Variants in ADAMTS3 observed in about 807,000 individuals in gnomAD.
ADAMTS3 encodes the protein ADAM metallopeptidase with thrombospondin type 1 motif 3, also known as A disintegrin and metalloproteinase with thrombospondin motifs 3.
ADAMTS3 carries 73 observed loss-of-function variants against 129.0 expected under a neutral mutation model. The observed-to-expected ratio is 0.57, with a 90% CI of 0.47 to 0.69. The LOEUF (loss-of-function observed/expected upper bound fraction) is 0.69. Among genes scored for constraint, ADAMTS3 ranks in the 30% least tolerant of loss-of-function variants. The pLI is 0.00. For missense variants in ADAMTS3, 1,457 were observed against 1,514.5 expected (o/e 0.96, Z 0.63); for synonymous variants, 477 against 510.8 (o/e 0.93, Z 0.89).
In ADAMTS3 at chr4:72,326,204, A is replaced by G. The variant is rs1017489385; in HGVS notation, c.862-3107T>C. Among the ~76,000 whole-genome samples the G allele has an allele frequency of 2.0e-5, 3 of 152,284 alleles. No homozygotes were observed. The South Asian group carries it at 6.2e-4, about 32-fold the overall frequency. ...ATTATAGGTAGAAATAATCTAATAC[A>G]AGGGAATAATATTTTTGCATAGCAC... On this transcript the variant is annotated intron_variant, in intron 5 of 21. Transcript: ENST00000286657.
chr4:72,445,439 C>T (rs1028830890), intron 3 of ADAMTS3, among the ~76,000 whole-genome samples: 1 of 151,680 alleles, frequency 6.6e-6, no homozygotes, highest in Non-Finnish European at 1.5e-5. Flanking sequence ...AGTTTCTCCA[C>T]ATGCTTCAAA....
chr4:72,443,994 T>A (rs969464877), intron 3 of ADAMTS3, among the ~76,000 whole-genome samples: 1 of 151,684 alleles, frequency 6.6e-6, no homozygotes, highest in African/African-American at 2.4e-5. Context: ...GTAATCACCA[T>A]AGTGAATAGC....
intron 3 of ADAMTS3, among the ~76,000 whole-genome samples, chr4:72,434,258 C>T (rs780530537): frequency 2.6e-5 from 4 of 151,682 alleles, no homozygotes; most frequent in Admixed American, 6.6e-5. Context: ...TTTACAAATA[C>T]GTAGCCCATT....
Position 72,305,968 on chromosome 4 carries a change from A to G in ADAMTS3, c.2260+19T>C, listed in dbSNP as rs1719078386. 1.9e-6 allele frequency: 3 copies of G among 1,599,140 alleles called. No homozygotes were observed. The highest frequency in any genetic ancestry group is 2.6e-6 in the Non-Finnish European group (3 of 1,169,282). ...TTTCAGTGCATGTTAAAGCAGAGAC[A>G]GCAGACAGAAACACTTACCAAGAAT... On this transcript the variant is annotated intron_variant, in intron 16 of 21. Transcript: ENST00000286657.
At chr4:72,558,338 T>G (rs1721817971) in intron 2 of ADAMTS3, among the ~76,000 whole-genome samples, 1 of 151,744 alleles carries the variant, frequency 6.6e-6, no homozygotes, top group Non-Finnish European at 1.5e-5. Flanking sequence ...TTTCCAGCTT[T>G]TGGAGGCCAC....
At chr4:72,435,791 G>A (rs1443312464) in intron 3 of ADAMTS3, among the ~76,000 whole-genome samples, 1 of 151,960 alleles carries the variant, frequency 6.6e-6, no homozygotes, top group East Asian at 1.9e-4. Context: ...TGAGAAAACT[G>A]GCTAGCCATA....
intron 3 of ADAMTS3, among the ~76,000 whole-genome samples, chr4:72,437,232 AC>A (rs1279087848): frequency 6.6e-6 from 1 of 151,872 alleles, no homozygotes; most frequent in African/African-American, 2.4e-5. Flanking sequence ...ACGGAAATGA[AC>A]ATTTTTAAAA....
intron 3 of ADAMTS3, among the ~76,000 whole-genome samples, chr4:72,500,131 G>A (rs1191696795): frequency 6.6e-6 from 1 of 152,000 alleles, no homozygotes; most frequent in East Asian, 1.9e-4. Flanking sequence ...TTTTCTTTTG[G>A]ATATATACCC....
At chr4:72,323,143 G>T in intron 5 of ADAMTS3, 46 bp from the exon 6 acceptor site, 1 of 1,418,478 alleles carries the variant, frequency 7.0e-7, no homozygotes, top group Non-Finnish European at 1.0e-6. Flanking sequence ...AAACACCGAG[G>T]ATTTCATGAG....
At chr4:72,548,424 A>T in intron 3 of ADAMTS3, 54 bp downstream of exon 3, 1 of 1,563,630 alleles carries the variant, frequency 6.4e-7, no homozygotes, top group East Asian at 2.3e-5. Context: ...TGCAGAAGCC[A>T]TGGCTGCACT....
intron 3 of ADAMTS3, 67 bp downstream of exon 3, chr4:72,548,411 C>CA: frequency 1.3e-6 from 2 of 1,501,148 alleles, no homozygotes; most frequent in Non-Finnish European, 1.8e-6. Context: ...ACCTTCCAAA[C>CA]TATGCAGAAG....
intron 3 of ADAMTS3, among the ~76,000 whole-genome samples, chr4:72,422,494 T>C (rs1722471900): frequency 6.6e-6 from 1 of 152,142 alleles, no homozygotes; most frequent in Non-Finnish European, 1.5e-5. Flanking sequence ...ATATTTTATT[T>C]TGCTTTAATT....
intron 2 of ADAMTS3, among the ~76,000 whole-genome samples, chr4:72,560,524 T>C (rs1037956980): frequency 6.6e-6 from 1 of 152,198 alleles, no homozygotes; most frequent in African/African-American, 2.4e-5. Flanking sequence ...AACAAGATCA[T>C]GTCCTTTGCA....
At chr4:72,393,797 G>A (rs1300443262) in intron 4 of ADAMTS3, among the ~76,000 whole-genome samples, 2 of 152,204 alleles carry the variant, frequency 1.3e-5, no homozygotes, top group East Asian at 3.9e-4. Context: ...GATGATCCAG[G>A]CTAGGAAAGA....
chr4:72,319,503 A>G, intron 8 of ADAMTS3, 28 bp from the exon 9 acceptor site: 2 of 1,592,094 alleles, frequency 1.3e-6, no homozygotes, highest in Non-Finnish European at 1.7e-6. Context: ...CTCAGTGGTA[A>G]GAATCAGGGG....
At chr4:72,290,107 C>A (rs370399549) in intron 20 of ADAMTS3, among the ~76,000 whole-genome samples, 13 of 152,144 alleles carry the variant, frequency 8.5e-5, no homozygotes, top group African/African-American at 3.1e-4. Flanking sequence ...TAATAGCTGA[C>A]AATGCAACAT....
chr4:72,470,183 T>C (rs1033776092), intron 3 of ADAMTS3, among the ~76,000 whole-genome samples: 3 of 151,904 alleles, frequency 2.0e-5, no homozygotes, highest in Non-Finnish European at 4.4e-5. Flanking sequence ...GTCCTGTGGG[T>C]TTCATTCTGA....
At chr4:72,294,495 G>T (rs1019414237) in intron 19 of ADAMTS3, among the ~76,000 whole-genome samples, 1 of 152,022 alleles carries the variant, frequency 6.6e-6, no homozygotes, top group Non-Finnish European at 1.5e-5. Context: ...TGATAGATTG[G>T]TTAATTAGCT....
intron 4 of ADAMTS3, among the ~76,000 whole-genome samples, chr4:72,383,224 ATAAC>A (rs1242241028): frequency 6.6e-6 from 1 of 152,096 alleles, no homozygotes; most frequent in Non-Finnish European, 1.5e-5. Flanking sequence ...CCTCTTGTAG[ATAAC>A]TATAAACACT....
Sources: allele counts gnomAD v4.1 joint callset (sites outside exome capture counted in the v4.1 genomes callset), GRCh38; gene constraint gnomAD v4.1.1; transcripts MANE v1.5; gene names NCBI Gene and HGNC (gene_info 2026-07-23, HGNC 2026-07-21).